Variants in TJP3 observed in about 807,000 individuals in gnomAD.
The protein encoded by TJP3 is tight junction protein ZO-3.
A neutral mutation model predicts 104.2 loss-of-function variants in TJP3; 85 were observed. The observed-to-expected ratio is 0.82, with a 90% CI of 0.68 to 0.98. The LOEUF (loss-of-function observed/expected upper bound fraction) is 0.98. Among genes scored for constraint, TJP3 ranks in the 50% least tolerant of loss-of-function variants. The probability of loss-of-function intolerance (pLI) is 0.00; values close to 1 mark genes in which losing one functional copy is unlikely to be tolerated. For synonymous variants in TJP3, 550 were observed against 550.6 expected, an observed-to-expected ratio of 1.00 and a Z score of 0.02; for missense variants, 1,367 against 1,322.8, an observed-to-expected ratio of 1.03 and a Z score of -0.52.
At chr19:3,718,257 CTG>C (rs2036508218) in intron 1 of TJP3, among the ~76,000 whole-genome samples, 6 of 27,472 alleles carry the variant, frequency 2.2e-4, no homozygotes, top group South Asian at 2.7e-3. Context: ...GTGTGTGTGT[CTG>C]TGTGTGTGTA....
In TJP3 at chr19:3,731,982, G is replaced by C. The variant is rs771487647; in HGVS notation, c.661G>C (p.Asp221His). The C allele has an allele frequency of 6.6e-5, 107 of 1,613,578 alleles. No individual in the cohort carries two copies. The highest frequency in any genetic ancestry group is 9.0e-5 in the Non-Finnish European group (106 of 1,179,876). Residue 221 changes from aspartate (D) to histidine (H), a missense_variant, in exon 6 of 21, where the codon GAT (aspartate) becomes CAT (histidine). Asp to His is a moderately conservative substitution (Grantham distance 81). Transcript: ENST00000541714. Reference protein sequence around the residue: ...GSQIFIKHITDSGLAARHRGL... With the variant: ...GSQIFIKHITHSGLAARHRGL... ...TCAGATCTTCATCAAGCACATTACAGATTCGGGCCTGGCTGCCCGGCACCG... is the reference window on the plus strand; with the variant it reads ...TCAGATCTTCATCAAGCACATTACACATTCGGGCCTGGCTGCCCGGCACCG...
intron 9 of TJP3, 60 bp downstream of exon 9, chr19:3,735,699 G>T (rs1000501221): frequency 3.4e-5 from 54 of 1,608,884 alleles, no homozygotes; most frequent in Non-Finnish European, 4.4e-5. Flanking sequence ...CAGCAAGGCT[G>T]TGCCAGGCAG....
At chr19:3,725,078 T>C (rs926431404) in intron 1 of TJP3, among the ~76,000 whole-genome samples, 1 of 151,968 alleles carries the variant, frequency 6.6e-6, no homozygotes, top group Non-Finnish European at 1.5e-5. Context: ...TTGGTCAACA[T>C]AGCAAAACCC....
chr19:3,724,320 T>C (rs552705340), intron 1 of TJP3, among the ~76,000 whole-genome samples: 92 of 151,470 alleles, frequency 6.1e-4, no homozygotes, highest in East Asian at 3.3e-3. Flanking sequence ...CTCAGCCTCC[T>C]GAGTAGCTGG....
intron 1 of TJP3, among the ~76,000 whole-genome samples, chr19:3,719,777 A>G (rs1294457886): frequency 6.6e-6 from 1 of 151,374 alleles, no homozygotes; most frequent in Non-Finnish European, 1.5e-5. Flanking sequence ...TATAACCTTC[A>G]TGCGATGTGA....
At chr19:3,731,494 G>A (rs1231781432) in intron 5 of TJP3, among the ~76,000 whole-genome samples, 1 of 152,124 alleles carries the variant, frequency 6.6e-6, no homozygotes. Context: ...TTAGCCAGGC[G>A]TGGTGGTGTG....
At position 3,750,744 on chromosome 19, in the gene TJP3, T is replaced by A; in HGVS notation, c.*60T>A. 1 of 1,429,376 alleles carries A rather than the reference T, an allele frequency of 7.0e-7. No individual in the cohort carries two copies. The highest frequency in any genetic ancestry group is 2.5e-5 in the East Asian group (1 of 40,738). The allele number at this position is 1,429,376 out of a possible 1,614,324, so 88.5% of individuals were successfully genotyped here. On this transcript the variant is annotated 3_prime_UTR_variant, in exon 21 of 21. Transcript: ENST00000541714. The stretch of plus-strand genomic sequence containing the variant: ...CTCCCTCCCTGGGGCTGGGACTCAG[T>A]TTCCCATACAGAACCCACAACCTTA...
At chr19:3,729,781 CAAA>C (rs35091592) in intron 3 of TJP3, among the ~76,000 whole-genome samples, 1 of 120,550 alleles carries the variant, frequency 8.3e-6, no homozygotes, top group Non-Finnish European at 1.7e-5. Flanking sequence ...GACTCTGTCT[CAAA>C]AAAAAAAAAA....
At chr19:3,748,188 C>T (rs544330964) in intron 19 of TJP3, 107 bp downstream of exon 19, 80 of 1,379,618 alleles carry the variant, frequency 5.8e-5, no homozygotes, top group Middle Eastern at 2.1e-4. Context: ...TCAACAAACA[C>T]GGCTTCCCTG....
intron 13 of TJP3, 28 bp downstream of exon 13, chr19:3,739,162 G>GCA: frequency 6.7e-7 from 1 of 1,492,512 alleles, no homozygotes; most frequent in Non-Finnish European, 8.9e-7. Context: ...CTGCAGTGGG[G>GCA]CACTTCTGCT....
chr19:3,735,130 T>C (rs2036722082), intron 8 of TJP3, among the ~76,000 whole-genome samples: 1 of 152,046 alleles, frequency 6.6e-6, no homozygotes, highest in Non-Finnish European at 1.5e-5. Flanking sequence ...CCTCCCAAAG[T>C]GCTGGTATTA....
At chr19:3,725,657 A>C (rs2036588542) in intron 1 of TJP3, among the ~76,000 whole-genome samples, 2 of 146,466 alleles carry the variant, frequency 1.4e-5, no homozygotes, top group African/African-American at 2.6e-5. Flanking sequence ...ACGCCATTGC[A>C]CTCCAGCCTG....
intron 1 of TJP3, among the ~76,000 whole-genome samples, chr19:3,717,719 C>G (rs1053780475): frequency 1.3e-5 from 2 of 152,038 alleles, no homozygotes; most frequent in African/African-American, 4.8e-5. Context: ...CAGGCATGAG[C>G]CACTGCACCC....
rs368938936 is a variant in TJP3 at position 3,728,286 on chromosome 19, T to C, written c.-9-138T>C. The C allele has an allele frequency of 1.8e-5, 24 of 1,359,502 alleles. No individual in the cohort carries two copies. The East Asian group carries it at 3.6e-4, about 21-fold the overall frequency. 84.2% of individuals were successfully genotyped at this position (1,359,502 alleles called of 1,614,324 possible). A position where few individuals can be genotyped will look rare whatever the true frequency, so the allele number is the denominator to read the frequency against. ...AAACAAACAAAAAAACCTGAGGCCC[T>C]GAGAGAGGTAGTAACTTGTCACAGG... On this transcript the variant is annotated intron_variant, in intron 1 of 20. Transcript: ENST00000541714.
Position 3,740,632 on chromosome 19 carries a change from G to T in TJP3, c.1712G>T (p.Arg571Leu). ...GPGSSAGSNA[R>L]AEFWRLRGLR... ...GGCTCCTCCGCGGGCTCCAATGCTC[G>T]GGCCGAGTTCTGGCGGCTGCGGGGT... Residue 571 changes from arginine to leucine, a missense_variant, in exon 14 of 21, where the codon CGG becomes CTG. Physicochemically the swap from Arg to Leu is moderately radical, Grantham distance 102. Coordinates refer to ENST00000541714, the MANE Select transcript of TJP3 (RefSeq NM_001267560.2). 1 of 1,593,948 alleles carries T rather than the reference G, an allele frequency of 6.3e-7. No individual in the cohort carries two copies. The highest frequency in any genetic ancestry group is 8.5e-7 in the Non-Finnish European group (1 of 1,171,494).
In TJP3 at chr19:3,735,576, C is replaced by G; in HGVS notation, c.997C>G (p.Arg333Gly). 6.2e-7 allele frequency: 1 copy of G among 1,614,200 alleles called. No homozygotes were observed. Among genetic ancestry groups the G allele is most frequent in the Non-Finnish European group, 8.5e-7 (1 of 1,180,030 alleles). The change falls in exon 9 of 21, where the codon CGG (arginine) becomes GGG (glycine). Residue 333 changes from arginine to glycine, a missense_variant. Arg to Gly is a moderately radical substitution (Grantham distance 125, BLOSUM62 -2). Coordinates refer to ENST00000541714, the MANE Select transcript of TJP3 (RefSeq NM_001267560.2). ...SQTDSPVESP[R>G]LRRESSVDSR... ...TCTGTTCCCCACCAGGGAGAGTCCCCGGCTTCGGCGGGAAAGTTCAGTAGA... is the reference window on the plus strand; with the variant it reads ...TCTGTTCCCCACCAGGGAGAGTCCCGGGCTTCGGCGGGAAAGTTCAGTAGA...
At chr19:3,718,149 T>C (rs985980068) in intron 1 of TJP3, among the ~76,000 whole-genome samples, 51 of 129,104 alleles carry the variant, frequency 4.0e-4, no homozygotes, top group African/African-American at 1.5e-3. Flanking sequence ...GAGCTTGCAG[T>C]GAGCTGAGAT....
At chr19:3,736,040 A>G in intron 10 of TJP3, 105 bp downstream of exon 10, 1 of 1,569,902 alleles carries the variant, frequency 6.4e-7, no homozygotes, top group Non-Finnish European at 8.7e-7. Context: ...GTTGAGTGGG[A>G]CCATTAAGTG....
At chr19:3,711,811 C>A (rs563112590) in intron 1 of TJP3, among the ~76,000 whole-genome samples, 4 of 149,404 alleles carry the variant, frequency 2.7e-5, no homozygotes, top group South Asian at 2.1e-4. Flanking sequence ...GACTTTATAG[C>A]CTATACAGAG....
Sources: gnomAD v4.1 joint callset for allele counts (sites outside exome capture counted in the v4.1 genomes callset) on GRCh38, gnomAD v4.1.1 for gene constraint, MANE v1.5 for transcripts, NCBI Gene and HGNC (gene_info 2026-07-23, HGNC 2026-07-21) for gene names.